The following UGT2B4 variants were observed in gnomAD, a reference collection of about 807,000 sequenced individuals.
UGT2B4 encodes UDP glucuronosyltransferase family 2 member B4, also known as UDP-glucuronosyltransferase 2B4.
Under a neutral mutation model 49.8 loss-of-function variants are expected in UGT2B4, and 49 were observed. The ratio of observed to expected loss-of-function variants is 0.98; its 90% confidence interval spans 0.78 to 1.25. UGT2B4 has a LOEUF of 1.25. Ranked by LOEUF, UGT2B4 falls within the 50% of genes most tolerant of loss-of-function variation. The pLI, the probability that UGT2B4 is intolerant of heterozygous loss-of-function variation, is 0.00. For missense variants in UGT2B4, 729 were observed against 627.7 expected (o/e 1.16, Z -1.73); for synonymous variants, 246 against 217.7 (o/e 1.13, Z -1.14).
intron 1 of UGT2B4, among the ~76,000 whole-genome samples, chr4:69,514,009 ATT>A (rs77344785): frequency 1.6e-3 from 241 of 150,494 alleles, no homozygotes; most frequent in African/African-American, 5.3e-3. Context: ...TTTTTTTTTA[ATT>A]TTTTTTTATT....
chr4:69,514,443 C>T (rs1389461465), intron 1 of UGT2B4, among the ~76,000 whole-genome samples: 1 of 152,244 alleles, frequency 6.6e-6, no homozygotes, highest in African/African-American at 2.4e-5. Context: ...TATTGGAATA[C>T]CTTTTATTTC....
chr4:69,522,476 A>G (rs1835825), intron 1 of UGT2B4, among the ~76,000 whole-genome samples: 57,697 of 152,054 alleles, frequency 0.38, 11,875 homozygotes, highest in East Asian at 0.75. Context: ...AGTACATATA[A>G]AAGTTATGTT....
At chr4:69,500,142 G>A (rs1018531361), upstream of UGT2B4, among the ~76,000 whole-genome samples, 9 of 152,128 alleles carry the variant, frequency 5.9e-5, no homozygotes, top group African/African-American at 2.2e-4. Context: ...AACTAACACA[G>A]AATCAGACAA....
chr4:69,495,715 T>C lies in UGT2B4; in HGVS notation c.147A>G (p.Arg49=). 2 of 1,614,070 alleles carry C rather than the reference T, an allele frequency of 1.2e-6. No individual in the cohort carries two copies. Among genetic ancestry groups the C allele is most frequent in the Non-Finnish European group, 1.7e-6 (2 of 1,179,972 alleles). The change falls in exon 1 of 6, where the codon AGA becomes AGG. Residue 49 remains arginine (R), a synonymous_variant. Transcript: ENST00000305107. ...IKTILDELVQ[R]GHEVTVLASS... is the part of the protein sequence containing the mutation. ...ATGCCAATACAGTCACCTCATGACCTCTCTGGACAAGTTCATCCAGGATTG... is the reference window on the plus strand; with the variant it reads ...ATGCCAATACAGTCACCTCATGACCCCTCTGGACAAGTTCATCCAGGATTG...
At chr4:69,514,746 T>A (rs1728688281) in intron 1 of UGT2B4, among the ~76,000 whole-genome samples, 1 of 152,218 alleles carries the variant, frequency 6.6e-6, no homozygotes, top group Admixed American at 6.5e-5. Context: ...TCTGTTTATG[T>A]GAGGAATCAC....
chr4:69,508,938 T>C (rs1299503397), intron 1 of UGT2B4, among the ~76,000 whole-genome samples: 1 of 152,154 alleles, frequency 6.6e-6, no homozygotes, highest in Non-Finnish European at 1.5e-5. Context: ...TTTATGCATC[T>C]TGTTTCACTG....
chr4:69,491,700 A>G (rs1032758676), intron 2 of UGT2B4, among the ~76,000 whole-genome samples: 1 of 152,058 alleles, frequency 6.6e-6, no homozygotes, highest in Non-Finnish European at 1.5e-5. Flanking sequence ...TCTTTTTCTT[A>G]TCCTTCCACA....
intron 2 of UGT2B4, among the ~76,000 whole-genome samples, chr4:69,492,755 C>G (rs1728027508): frequency 6.6e-6 from 1 of 151,924 alleles, no homozygotes; most frequent in Non-Finnish European, 1.5e-5. Flanking sequence ...AACTTTTTTC[C>G]ACACAACACA....
intron 3 of UGT2B4, 26 bp downstream of exon 3, chr4:69,489,413 T>C (rs1289657684): frequency 6.2e-7 from 1 of 1,605,398 alleles, no homozygotes. Flanking sequence ...AGTAGTTTTT[T>C]ACACCATTAA....
At chr4:69,481,093 A>AAAAAG (rs1727576774) in intron 5 of UGT2B4, among the ~76,000 whole-genome samples, 183 bp from the exon 6 acceptor site, 1 of 38,776 alleles carries the variant, frequency 2.6e-5, no homozygotes, top group African/African-American at 7.9e-5. Context: ...AAAAATATGA[A>AAAAAG]AAAAAAAAAA....
At chr4:69,524,351 A>T (rs35548726) in intron 1 of UGT2B4, among the ~76,000 whole-genome samples, 1 of 151,718 alleles carries the variant, frequency 6.6e-6, no homozygotes. Context: ...GCTTTGTAAG[A>T]TTATTAACTG....
intron 1 of UGT2B4, among the ~76,000 whole-genome samples, chr4:69,506,312 T>C (rs1329027830): frequency 1.3e-5 from 2 of 151,306 alleles, no homozygotes; most frequent in Admixed American, 6.6e-5. Flanking sequence ...TGAAACAAAT[T>C]AACAAAATAG....
At chr4:69,512,844 G>C (rs1488818659) in intron 1 of UGT2B4, among the ~76,000 whole-genome samples, 1 of 152,102 alleles carries the variant, frequency 6.6e-6, no homozygotes, top group Middle Eastern at 3.2e-3. Flanking sequence ...CAAAAAAGTT[G>C]AGCTTTTTTT....
chr4:69,505,599 C>T (rs928124674), intron 1 of UGT2B4, among the ~76,000 whole-genome samples: 7 of 152,182 alleles, frequency 4.6e-5, no homozygotes, highest in Admixed American at 3.3e-4. Context: ...GAGACTTAGA[C>T]TCCCACACAA....
intron 2 of UGT2B4, among the ~76,000 whole-genome samples, 167 bp from the exon 3 acceptor site, chr4:69,489,737 T>C (rs1727924672): frequency 6.6e-6 from 1 of 152,128 alleles, no homozygotes; most frequent in African/African-American, 2.4e-5. Flanking sequence ...ATATGTATAA[T>C]ATGAGATAGG....
intron 3 of UGT2B4, 56 bp from the exon 4 acceptor site, chr4:69,486,752 T>C: frequency 7.4e-7 from 1 of 1,346,152 alleles, no homozygotes; most frequent in Non-Finnish European, 1.0e-6. Context: ...AGTCATAGAA[T>C]GTTAGAAATC....
intron 2 of UGT2B4, 58 bp from the exon 3 acceptor site, chr4:69,489,628 G>C: frequency 6.5e-7 from 1 of 1,549,266 alleles, no homozygotes; most frequent in African/African-American, 1.4e-5. Context: ...CAAGCACTGT[G>C]AAAGAATTGT....
chr4:69,514,593 G>T lies in UGT2B4; in HGVS notation c.-106+11094C>A, dbSNP rs187233969. On this transcript the variant is annotated intron_variant, in intron 1 of 1. Coordinates refer to the UGT2B4 transcript ENST00000510114. The stretch of plus-strand genomic sequence containing the variant: ...CCCATTCAGTATGATGTTGGCTGTG[G>T]GTTTGTCATATATGTCTCTTGTTAT... 2.8e-3 allele frequency among the ~76,000 whole-genome samples: 421 copies of T among 152,238 alleles called. 4 individuals are homozygous for T. Among genetic ancestry groups the T allele is most frequent in the African/African-American group, 9.2e-3 (384 of 41,530 alleles).
At chr4:69,500,606 G>GCAAGCAAGAAAGCAAGAAAGC (rs1553896493), upstream of UGT2B4, among the ~76,000 whole-genome samples, 2 of 99,510 alleles carry the variant, frequency 2.0e-5, no homozygotes, top group African/African-American at 8.6e-5. Flanking sequence ...AGAAAGCAAG[G>GCAAGCAAGAAAGCAAGAAAGC]AAGAAAGAAA....
Sources: gnomAD v4.1 joint callset for allele counts (sites outside exome capture counted in the v4.1 genomes callset) on GRCh38, gnomAD v4.1.1 for gene constraint, MANE v1.5 for transcripts, NCBI Gene and HGNC (gene_info 2026-07-23, HGNC 2026-07-21) for gene names.